The following PLXNC1 variants were observed in gnomAD, a reference collection of about 807,000 sequenced individuals.
PLXNC1 encodes the protein plexin-C1.
PLXNC1 carries 75 observed loss-of-function variants against 178.2 expected under a neutral mutation model. That is an observed-to-expected ratio of 0.42 (90% CI 0.35 to 0.51). The LOEUF is 0.51. PLXNC1 is among the 20% of genes least tolerant of loss of function. The probability of loss-of-function intolerance (pLI) is 0.02; values close to 1 mark genes in which losing one functional copy is unlikely to be tolerated. For synonymous variants in PLXNC1, 790 were observed against 779.9 expected, an observed-to-expected ratio of 1.01 and a Z score of -0.22; for missense variants, 1,503 against 1,984.4, an observed-to-expected ratio of 0.76 and a Z score of 4.61.
In PLXNC1 at chr12:94,260,673, C is replaced by T. The variant is rs370132637; in HGVS notation, c.3283C>T (p.Leu1095=). 1.5e-5 allele frequency: 24 copies of T among 1,613,886 alleles called. No individual in the cohort carries two copies. The highest frequency in any genetic ancestry group is 6.7e-5 in the East Asian group (3 of 44,890). The change falls in exon 20 of 31, where the codon CTG becomes TTG. Residue 1095 remains leucine, a synonymous_variant. Transcript: ENST00000258526. This position sits in a 1 kb window ranked among gnomAD's most constrained non-coding sequence, Gnocchi z 4.4. ...GTTTGCCTCCTTCCTAACCATTGCACTGCAAACCAAGCTGGTCTACCTGAC... is the reference window on the plus strand; with the variant it reads ...GTTTGCCTCCTTCCTAACCATTGCATTGCAAACCAAGCTGGTCTACCTGAC... ...CLFASFLTIA[L]QTKLVYLTSI...
At chr12:94,228,470 TTGAGG>T (rs1292252688) in intron 9 of PLXNC1, among the ~76,000 whole-genome samples, 3 of 152,360 alleles carry the variant, frequency 2.0e-5, no homozygotes, top group Non-Finnish European at 1.5e-5. Context: ...GTACAGTTAG[TTGAGG>T]TAAGTACATT....
At chr12:94,177,230 CATATATATATATATATATATATGT>C (rs1260421666) in intron 2 of PLXNC1, among the ~76,000 whole-genome samples, 1 of 97,550 alleles carries the variant, frequency 1.0e-5, no homozygotes, top group Non-Finnish European at 1.9e-5. Flanking sequence ...TATATATATA[CATATATATATATATATATATATGT>C]ATATATATAT....
At chr12:94,256,668 G>A (rs1021852006) in intron 17 of PLXNC1, among the ~76,000 whole-genome samples, 7 of 152,038 alleles carry the variant, frequency 4.6e-5, no homozygotes, top group African/African-American at 1.2e-4. Context: ...ATAAAATAAC[G>A]GAGATTTTTG....
intron 6 of PLXNC1, among the ~76,000 whole-genome samples, chr12:94,220,616 A>G (rs1963767371): frequency 6.6e-6 from 1 of 152,226 alleles, no homozygotes; most frequent in South Asian, 2.1e-4. Context: ...CTAGGGATAC[A>G]GTGACTCCCC....
chr12:94,214,037 G>T (rs1052467055), intron 5 of PLXNC1, among the ~76,000 whole-genome samples: 3 of 151,416 alleles, frequency 2.0e-5, no homozygotes, highest in Non-Finnish European at 4.4e-5. Context: ...CGGCTAATTG[G>T]AATAAAAGTA....
intron 4 of PLXNC1, among the ~76,000 whole-genome samples, chr12:94,195,094 G>C (rs1250933214): frequency 6.6e-6 from 1 of 152,122 alleles, no homozygotes; most frequent in East Asian, 1.9e-4. Flanking sequence ...AAGGAAGTGG[G>C]TGGAGATGCT....
chr12:94,285,522 A>G (rs1966786085), intron 23 of PLXNC1, among the ~76,000 whole-genome samples: 1 of 152,170 alleles, frequency 6.6e-6, no homozygotes. Context: ...AGACTTGCCA[A>G]CCCTGGAATC....
chr12:94,206,318 A>G (rs1963297963), intron 4 of PLXNC1, among the ~76,000 whole-genome samples: 1 of 152,028 alleles, frequency 6.6e-6, no homozygotes, highest in Non-Finnish European at 1.5e-5. Flanking sequence ...TATATAGTTG[A>G]ATGCCAATAT....
intron 21 of PLXNC1, among the ~76,000 whole-genome samples, chr12:94,276,773 T>A (rs1000180054): frequency 1.3e-5 from 2 of 152,172 alleles, no homozygotes; most frequent in African/African-American, 4.8e-5. Context: ...TTCTCTCCTG[T>A]CTGGTATTTT....
At chr12:94,286,953 G>A (rs1966851099) in intron 23 of PLXNC1, among the ~76,000 whole-genome samples, 1 of 152,180 alleles carries the variant, frequency 6.6e-6, no homozygotes, top group South Asian at 2.1e-4. Flanking sequence ...AGCCCCCAGA[G>A]CCCCACATTG....
intron 7 of PLXNC1, among the ~76,000 whole-genome samples, chr12:94,225,653 A>G (rs1565818792): frequency 6.6e-6 from 1 of 152,222 alleles, no homozygotes; most frequent in African/African-American, 2.4e-5. Context: ...CCCAGGTCCC[A>G]CAACTTGGTA....
At chr12:94,222,222 T>C (rs1253284274) in intron 6 of PLXNC1, among the ~76,000 whole-genome samples, 2 of 152,228 alleles carry the variant, frequency 1.3e-5, no homozygotes, top group Non-Finnish European at 2.9e-5. Flanking sequence ...GTAAAGCTAG[T>C]TGGTTGCTTT....
intron 28 of PLXNC1, 21 bp from the exon 29 acceptor site, chr12:94,303,731 GCTTT>G (rs1968714578): frequency 1.3e-5 from 15 of 1,113,650 alleles, no homozygotes; most frequent in African/African-American, 7.9e-5. Flanking sequence ...GGTGATGGTT[GCTTT>G]TTTTTTTTTT....
At chr12:94,224,890 A>G (rs1963896329) in intron 7 of PLXNC1, among the ~76,000 whole-genome samples, 1 of 152,172 alleles carries the variant, frequency 6.6e-6, no homozygotes, top group Non-Finnish European at 1.5e-5. Flanking sequence ...TGAGTGACAG[A>G]GTGAGATTGT....
chr12:94,195,846 T>C (rs1200640181), intron 4 of PLXNC1, among the ~76,000 whole-genome samples: 2 of 152,230 alleles, frequency 1.3e-5, no homozygotes, highest in East Asian at 3.9e-4. Flanking sequence ...AAGGGTATTT[T>C]TAACACATGA....
intron 23 of PLXNC1, among the ~76,000 whole-genome samples, chr12:94,286,407 C>T (rs1464726002): frequency 1.3e-5 from 2 of 152,088 alleles, no homozygotes; most frequent in African/African-American, 4.8e-5. Flanking sequence ...CAGCCACCTA[C>T]ATCTATATTT....
chr12:94,304,034 G>A lies in PLXNC1; in HGVS notation c.4585G>A (p.Val1529Ile), dbSNP rs150282069. The A allele has an allele frequency of 1.2e-5, 18 of 1,556,728 alleles. No individual in the cohort carries two copies. In the African/African-American group the frequency reaches 1.8e-4, roughly 15 times the overall value. ...CTTGACAGAAATTTACAAATACATC[G>A]TAAAATATTTTGATGAGGTAAGATT... ...VALTEIYKYIVKYFDEILNKL... is the reference protein window; with the variant it reads ...VALTEIYKYIIKYFDEILNKL... Residue 1529 changes from valine to isoleucine, a missense_variant, in exon 30 of 31, where the codon GTA (valine) becomes ATA (isoleucine). By Grantham distance (29) the Val-to-Ile change is conservative. Coordinates refer to ENST00000258526, the MANE Select transcript of PLXNC1 (RefSeq NM_005761.3).
chr12:94,185,761 G>A (rs1962486096), intron 3 of PLXNC1, among the ~76,000 whole-genome samples: 1 of 152,200 alleles, frequency 6.6e-6, no homozygotes, highest in African/African-American at 2.4e-5. Context: ...TTTCCACATT[G>A]AGTGCCAAAC....
chr12:94,259,337 T>C lies in PLXNC1; in HGVS notation c.3088T>C (p.Ser1030Pro). The C allele has an allele frequency of 6.3e-7, 1 of 1,591,782 alleles. No individual in the cohort carries two copies. The highest frequency in any genetic ancestry group is 1.9e-5 in the Admixed American group (1 of 53,850). The change falls in exon 18 of 31, where the codon TCA becomes CCA. Residue 1030 changes from serine to proline, a missense_variant and splice_region_variant. Coordinates refer to ENST00000258526, the MANE Select transcript of PLXNC1 (RefSeq NM_005761.3). The part of the protein sequence containing the change: ...HFALRTFFPE[S>P]GGFTHIFTED... The stretch of plus-strand genomic sequence containing the variant: ...AATAAAAGTGTCTCCTTCCTCTCAG[T>C]CAGGTGGCTTCACCCACATCTTCAC...
Sources: gnomAD v4.1 joint callset for allele counts (sites outside exome capture counted in the v4.1 genomes callset) on GRCh38, gnomAD v4.1.1 for gene constraint, Gnocchi (gnomAD v3.1) non-coding constraint, MANE v1.5 for transcripts, NCBI Gene and HGNC (gene_info 2026-07-23, HGNC 2026-07-21) for gene names.